SRD5A2: variants seen among roughly 807,000 people sequenced by gnomAD.
SRD5A2 encodes steroid 5 alpha-reductase 2, also known as 3-oxo-5-alpha-steroid 4-dehydrogenase 2.
Under a neutral mutation model 27.4 loss-of-function variants are expected in SRD5A2, and 30 were observed. The observed-to-expected ratio is 1.10, with a 90% CI of 0.82 to 1.49. The LOEUF (loss-of-function observed/expected upper bound fraction) is 1.49. SRD5A2 is among the 40% of genes most tolerant of loss of function. SRD5A2 has a pLI of 0.00. For synonymous variants in SRD5A2, 141 were observed against 133.6 expected, an observed-to-expected ratio of 1.06 and a Z score of -0.38; for missense variants, 348 against 323.4, an observed-to-expected ratio of 1.08 and a Z score of -0.58.
chr2:31,551,958 G>C (rs1387829420), intron 1 of SRD5A2, among the ~76,000 whole-genome samples: 1 of 151,936 alleles, frequency 6.6e-6, no homozygotes, highest in Non-Finnish European at 1.5e-5. Flanking sequence ...TAGCCTTTCA[G>C]TCAGGAGACA....
At chr2:31,573,605 G>A (rs1666895889) in intron 1 of SRD5A2, among the ~76,000 whole-genome samples, 1 of 152,168 alleles carries the variant, frequency 6.6e-6, no homozygotes, top group South Asian at 2.1e-4. Flanking sequence ...TCCCCCTACA[G>A]CTGGCTGAGG....
intron 2 of SRD5A2, among the ~76,000 whole-genome samples, 173 bp downstream of exon 2, chr2:31,533,430 T>C (rs1401929960): frequency 6.6e-6 from 1 of 152,164 alleles, no homozygotes; most frequent in Non-Finnish European, 1.5e-5. Context: ...TGGCATGATA[T>C]GTGTTTAAAC....
intron 1 of SRD5A2, among the ~76,000 whole-genome samples, chr2:31,538,949 A>T (rs955476725): frequency 6.6e-6 from 1 of 152,212 alleles, no homozygotes; most frequent in African/African-American, 2.4e-5. Context: ...GCAGGCCTGG[A>T]ATGAATTTTG....
At chr2:31,573,435 A>G (rs753222523) in intron 1 of SRD5A2, among the ~76,000 whole-genome samples, 15 of 152,236 alleles carry the variant, frequency 9.9e-5, no homozygotes, top group Non-Finnish European at 1.8e-4. Context: ...TTTTAAAACA[A>G]CTTGAGTCCA....
At chr2:31,601,337 G>A in the SRD5A2 span, among the ~76,000 whole-genome samples, 2 of 151,938 alleles carry the variant, frequency 1.3e-5, no homozygotes, top group East Asian at 3.9e-4. Flanking sequence ...AAAAAGTCAT[G>A]GACACATACA....
chr2:31,641,022 T>C, the SRD5A2 span, among the ~76,000 whole-genome samples: 6 of 152,176 alleles, frequency 3.9e-5, no homozygotes, highest in African/African-American at 1.4e-4. Context: ...TGTAAAAGTC[T>C]TATTATTCTC....
chr2:31,579,492 G>T (rs997815819), intron 1 of SRD5A2, among the ~76,000 whole-genome samples: 7 of 152,118 alleles, frequency 4.6e-5, no homozygotes, highest in Non-Finnish European at 1.0e-4. Context: ...CTGTTTATGG[G>T]CTCTGTTCTC....
intron 1 of SRD5A2, among the ~76,000 whole-genome samples, chr2:31,554,146 A>T (rs1161761213): frequency 6.6e-6 from 1 of 152,146 alleles, no homozygotes; most frequent in Non-Finnish European, 1.5e-5. Flanking sequence ...GTCTTTTAGA[A>T]GTAGAATACC....
At chr2:31,541,674 G>A (rs1452693288) in intron 1 of SRD5A2, among the ~76,000 whole-genome samples, 1 of 152,184 alleles carries the variant, frequency 6.6e-6, no homozygotes, top group Non-Finnish European at 1.5e-5. Flanking sequence ...AAGAGGCACT[G>A]AAGAAGGTAA....
intron 1 of SRD5A2, among the ~76,000 whole-genome samples, chr2:31,561,296 A>G (rs2148089228): frequency 6.6e-6 from 1 of 152,200 alleles, no homozygotes. Flanking sequence ...ATATTAACCT[A>G]ATTACTTTCT....
the SRD5A2 span, among the ~76,000 whole-genome samples, chr2:31,634,596 C>T: frequency 6.6e-6 from 1 of 151,990 alleles, no homozygotes; most frequent in Admixed American, 6.6e-5. Flanking sequence ...TGTATACATA[C>T]ATATAATTTA....
At chr2:31,634,691 C>T in the SRD5A2 span, among the ~76,000 whole-genome samples, 3 of 151,984 alleles carry the variant, frequency 2.0e-5, no homozygotes, top group Admixed American at 2.0e-4. Context: ...TGTCTACTCC[C>T]TTCCCTTCCC....
At chr2:31,538,992 G>A (rs1666079195) in intron 1 of SRD5A2, among the ~76,000 whole-genome samples, 1 of 152,184 alleles carries the variant, frequency 6.6e-6, no homozygotes, top group Non-Finnish European at 1.5e-5. Context: ...GCTATAAGTG[G>A]CACACATCAT....
At chr2:31,589,749 G>T in the SRD5A2 span, among the ~76,000 whole-genome samples, 2 of 152,068 alleles carry the variant, frequency 1.3e-5, no homozygotes, top group South Asian at 2.1e-4. Flanking sequence ...GAAACGGGGT[G>T]GGGGGCAAAT....
chr2:31,586,466 A>C, the SRD5A2 span, among the ~76,000 whole-genome samples: 1,966 of 152,294 alleles, frequency 0.013, 22 homozygotes, highest in South Asian at 0.035. Context: ...TGCTGGCTTC[A>C]AGTCTGGCTG....
chr2:31,582,828 T>C (rs145941060), upstream of SRD5A2, among the ~76,000 whole-genome samples: 269 of 152,276 alleles, frequency 1.8e-3, 2 homozygotes, highest in African/African-American at 6.2e-3. Flanking sequence ...ATAGCCTCCC[T>C]AGGAAGCTGG....
At chr2:31,526,700 T>C (rs905815034) in intron 4 of SRD5A2, among the ~76,000 whole-genome samples, 5 of 152,176 alleles carry the variant, frequency 3.3e-5, no homozygotes, top group African/African-American at 1.2e-4. Flanking sequence ...TATCCCTTCA[T>C]GAGGCCTGGG....
the SRD5A2 span, among the ~76,000 whole-genome samples, chr2:31,587,971 A>G: frequency 1.3e-5 from 2 of 152,184 alleles, no homozygotes; most frequent in African/African-American, 4.8e-5. Context: ...TGCAATTGGC[A>G]TATTGAAGAA....
At chr2:31,655,493 T>C in the SRD5A2 span, among the ~76,000 whole-genome samples, 1 of 152,160 alleles carries the variant, frequency 6.6e-6, no homozygotes, top group Non-Finnish European at 1.5e-5. Context: ...AGCAAGCACA[T>C]CATGGTTTCC....
Sources: gnomAD v4.1 joint callset for allele counts (sites outside exome capture counted in the v4.1 genomes callset) on GRCh38, gnomAD v4.1.1 for gene constraint, MANE v1.5 for transcripts, NCBI Gene and HGNC (gene_info 2026-07-23, HGNC 2026-07-21) for gene names.